Variants in AGAP1 observed in about 807,000 individuals in gnomAD.
The protein encoded by AGAP1 is arf-GAP with GTPase, ANK repeat and PH domain-containing protein 1.
In AGAP1, 29 loss-of-function variants were observed where a neutral mutation model predicts 105.3. The observed-to-expected ratio is 0.28, with a 90% CI of 0.21 to 0.38. The LOEUF (loss-of-function observed/expected upper bound fraction) is 0.38, where lower values mean the gene tolerates loss of function less well. Ranked by LOEUF, AGAP1 falls within the 10% of genes least tolerant of loss-of-function variation. AGAP1 has a pLI of 1.00. For synonymous variants in AGAP1, 509 were observed against 485.9 expected, an observed-to-expected ratio of 1.05 and a Z score of -0.63; for missense variants, 998 against 1,165.1, an observed-to-expected ratio of 0.86 and a Z score of 2.09.
In AGAP1 at chr2:235,827,894, G is replaced by A. The variant is rs188841226; in HGVS notation, c.1050+20563G>A. On this transcript the variant is annotated intron_variant, in intron 9 of 17. Coordinates refer to ENST00000304032, the MANE Select transcript of AGAP1 (RefSeq NM_001037131.3). ...CTAGCATGCCTGTGGGGAGAGGCCC[G>A]GAGGGCTGGGCTGCGAGGGAGGCTG... Among the ~76,000 whole-genome samples, 10 of 152,336 alleles carry A rather than the reference G, an allele frequency of 6.6e-5. No homozygotes were observed. The East Asian group carries it at 7.7e-4, about 12-fold the overall frequency.
intron 13 of AGAP1, among the ~76,000 whole-genome samples, chr2:236,004,078 T>C (rs1363070679): frequency 6.6e-6 from 1 of 152,170 alleles, no homozygotes; most frequent in Non-Finnish European, 1.5e-5. Flanking sequence ...TTTAGCACAG[T>C]GTATTCTGGA....
chr2:236,063,380 C>T (rs1379687348), intron 16 of AGAP1, among the ~76,000 whole-genome samples: 1 of 152,156 alleles, frequency 6.6e-6, no homozygotes, highest in Non-Finnish European at 1.5e-5. Flanking sequence ...CATGAGCCAC[C>T]AGGAATGGTG....
Position 236,095,892 on chromosome 2 carries a change from C to T in AGAP1, c.2115-24300C>T, listed in dbSNP as rs1384872670. ...TTTTTCCTTTTAGGATGTGCCTCTC[C>T]ATAGAGAAGAAGTTCACATTCCTTT... On this transcript the variant is annotated intron_variant, in intron 16 of 17. Transcript: ENST00000304032. The surrounding 1 kb of genome is among the most constrained non-coding windows in gnomAD (Gnocchi z 4.1). Among the ~76,000 whole-genome samples, 1 of 143,034 alleles carries T rather than the reference C, an allele frequency of 7.0e-6. No individual in the cohort carries two copies. The highest frequency in any genetic ancestry group is 2.2e-4 in the East Asian group (1 of 4,614). 93.8% of individuals were successfully genotyped at this position (143,034 alleles called of 152,430 possible).
intron 1 of AGAP1, among the ~76,000 whole-genome samples, chr2:235,629,824 A>G (rs1360497346): frequency 1.4e-5 from 2 of 145,674 alleles, no homozygotes; most frequent in Non-Finnish European, 3.0e-5. Flanking sequence ...TGATCATACT[A>G]CTGCACTCCA....
rs988806410 is a variant in AGAP1 at position 236,125,977 on chromosome 2, C to T, written c.*1855C>T. 7 of 147,610 alleles carry T rather than the reference C, an allele frequency of 4.7e-5. No individual in the cohort carries two copies. The highest frequency in any genetic ancestry group is 4.5e-5 in the Non-Finnish European group (3 of 67,010). 9.1% of individuals were successfully genotyped at this position (147,610 alleles called of 1,614,324 possible). On this transcript the variant is annotated 3_prime_UTR_variant, in exon 18 of 18. Coordinates refer to ENST00000304032, the MANE Select transcript of AGAP1 (RefSeq NM_001037131.3). This position sits in a 1 kb window ranked among gnomAD's most constrained non-coding sequence, Gnocchi z 5.2. ...CACCGGCAGCCTCCGGGGTGTTCCT[C>T]GCTCTCTCGTATGTTAAACCTTATA...
chr2:235,731,528 T>C (rs1224197439), intron 3 of AGAP1, among the ~76,000 whole-genome samples: 6 of 152,218 alleles, frequency 3.9e-5, no homozygotes. Flanking sequence ...GGCCTGGCTT[T>C]CCTGTGGGAA....
chr2:236,015,904 G>A (rs73121838), intron 13 of AGAP1, among the ~76,000 whole-genome samples: 2,405 of 152,180 alleles, frequency 0.016, 83 homozygotes, highest in African/African-American at 0.055. Context: ...TAAATTGCAC[G>A]TTATTTCTGT....
At chr2:235,616,095 G>A (rs1278441722) in intron 1 of AGAP1, among the ~76,000 whole-genome samples, 1 of 152,150 alleles carries the variant, frequency 6.6e-6, no homozygotes, top group Non-Finnish European at 1.5e-5. Flanking sequence ...GGATGCAGTG[G>A]CTCAAGCCTG....
Position 235,519,380 on chromosome 2 carries a change from A to G in AGAP1, c.163+24531A>G, listed in dbSNP as rs1210503369. The stretch of plus-strand genomic sequence containing the variant: ...GAGCCACCGCACATGGCCCTAGTTT[A>G]TATTTATTAATTGGTTTAATCCTCC... On this transcript the variant is annotated intron_variant, in intron 1 of 17. Transcript: ENST00000304032. Among the ~76,000 whole-genome samples the G allele has an allele frequency of 3.9e-5, 6 of 152,022 alleles. No homozygotes were observed. In the East Asian group the frequency reaches 1.2e-3, roughly 29 times the overall value.
chr2:235,512,631 G>A (rs956243506), intron 1 of AGAP1, among the ~76,000 whole-genome samples: 7 of 152,090 alleles, frequency 4.6e-5, no homozygotes, highest in African/African-American at 7.2e-5. Flanking sequence ...CAATCCATGC[G>A]CGTCCTCCCC....
At chr2:235,525,399 A>G (rs1438677455) in intron 1 of AGAP1, among the ~76,000 whole-genome samples, 1 of 151,580 alleles carries the variant, frequency 6.6e-6, no homozygotes, top group African/African-American at 2.4e-5. Flanking sequence ...GGACTGACAC[A>G]TAATGTGGAG....
intron 9 of AGAP1, among the ~76,000 whole-genome samples, chr2:235,829,881 A>G (rs570783495): frequency 1.3e-5 from 2 of 152,236 alleles, no homozygotes; most frequent in African/African-American, 2.4e-5. Flanking sequence ...AAGAACTGGC[A>G]ATAGAGAGTG....
In AGAP1 at chr2:235,752,187, C is replaced by T. The variant is rs1403729992; in HGVS notation, c.673+1699C>T. Among the ~76,000 whole-genome samples, 2 of 152,066 alleles carry T rather than the reference C, an allele frequency of 1.3e-5. No homozygotes were observed. The highest frequency in any genetic ancestry group is 1.3e-4 in the Admixed American group (2 of 15,256). Reference sequence around the variant, plus strand: ...CTGTTTTCATAAATAGACTTTTCTTCTTTTTTTTGGAGACAGAGTCTAGCT... The same window carrying T: ...CTGTTTTCATAAATAGACTTTTCTTTTTTTTTTTGGAGACAGAGTCTAGCT... On this transcript the variant is annotated intron_variant, in intron 6 of 17. Coordinates refer to ENST00000304032, the MANE Select transcript of AGAP1 (RefSeq NM_001037131.3). The surrounding 1 kb of genome is among the most constrained non-coding windows in gnomAD (Gnocchi z 4.3).
rs1946246601 is a variant in AGAP1, at chr2:235,614,613, G to T, written c.164-94566G>T. 6.6e-6 allele frequency among the ~76,000 whole-genome samples: 1 copy of T among 152,232 alleles called. No individual in the cohort carries two copies. Among genetic ancestry groups the T allele is most frequent in the Non-Finnish European group, 1.5e-5 (1 of 68,050 alleles). ...ACTTCCATCTGGAGCACCCAGGCCT[G>T]CAGGAGTGTGGGTTGGCTCTCTACC... On this transcript the variant is annotated intron_variant, in intron 1 of 17. Coordinates refer to ENST00000304032, the MANE Select transcript of AGAP1 (RefSeq NM_001037131.3). The surrounding 1 kb of genome is among the most constrained non-coding windows in gnomAD (Gnocchi z 4.7).
intron 1 of AGAP1, among the ~76,000 whole-genome samples, chr2:235,683,517 A>T (rs1236253088): frequency 1.3e-5 from 2 of 150,524 alleles, no homozygotes; most frequent in Non-Finnish European, 3.0e-5. Context: ...AATAAAACTT[A>T]TAGATTATAA....
At chr2:236,100,388 C>G (rs2059316892) in intron 16 of AGAP1, among the ~76,000 whole-genome samples, 1 of 152,180 alleles carries the variant, frequency 6.6e-6, no homozygotes, top group African/African-American at 2.4e-5. Context: ...AATAATAATG[C>G]TTTCCTTACT....
At position 235,635,361 on chromosome 2, in the gene AGAP1, G is replaced by A. The variant is rs1373758895; in HGVS notation, c.164-73818G>A. ...CCTTGTACAAGCAGGACATTTCTCC[G>A]TTTCTCCTTTTCTCTGCCCGTAGGA... On this transcript the variant is annotated intron_variant, in intron 1 of 17. Transcript: ENST00000304032. The surrounding 1 kb of genome is among the most constrained non-coding windows in gnomAD (Gnocchi z 5.3). Among the ~76,000 whole-genome samples the A allele has an allele frequency of 1.3e-5, 2 of 152,118 alleles. No homozygotes were observed. The highest frequency in any genetic ancestry group is 2.9e-5 in the Non-Finnish European group (2 of 68,028).
rs951564515 is a variant in AGAP1, at chr2:236,113,786, A to G, written c.2115-6406A>G. ...ATCCAGAGGGTTCACGGCTCCTGCA[A>G]CCTACCCAGTGATTCCTATGTCCTG... On this transcript the variant is annotated intron_variant, in intron 16 of 17. Transcript: ENST00000304032. The surrounding 1 kb of genome is among the most constrained non-coding windows in gnomAD (Gnocchi z 4.3). Among the ~76,000 whole-genome samples, 3 of 152,116 alleles carry G rather than the reference A, an allele frequency of 2.0e-5. No individual in the cohort carries two copies. The highest frequency in any genetic ancestry group is 4.4e-5 in the Non-Finnish European group (3 of 68,014).
intron 9 of AGAP1, among the ~76,000 whole-genome samples, chr2:235,863,161 G>T (rs1043230059): frequency 1.3e-5 from 2 of 152,182 alleles, no homozygotes; most frequent in Non-Finnish European, 2.9e-5. Flanking sequence ...GACGGGAGTG[G>T]TCCCTACTGT....
Sources: allele counts gnomAD v4.1 joint callset (sites outside exome capture counted in the v4.1 genomes callset), GRCh38; gene constraint gnomAD v4.1.1; non-coding constraint Gnocchi (gnomAD v3.1); transcripts MANE v1.5; gene names NCBI Gene and HGNC (gene_info 2026-07-23, HGNC 2026-07-21).